Variants in ARHGAP42 observed in about 807,000 individuals in gnomAD.
ARHGAP42 encodes the protein Rho GTPase activating protein 42.
A neutral mutation model predicts 125.0 loss-of-function variants in ARHGAP42; 63 were observed. That is an observed-to-expected ratio of 0.50 (90% CI 0.41 to 0.62). The LOEUF is 0.62. ARHGAP42 is among the 20% of genes least tolerant of loss of function. The probability of loss-of-function intolerance (pLI) is 0.00; values close to 1 mark genes in which losing one functional copy is unlikely to be tolerated. For synonymous variants in ARHGAP42, 339 were observed against 351.0 expected, an observed-to-expected ratio of 0.97 and a Z score of 0.38; for missense variants, 766 against 1,024.2, an observed-to-expected ratio of 0.75 and a Z score of 3.44.
chr11:100,698,154 G>A (rs1652305997), intron 1 of ARHGAP42, among the ~76,000 whole-genome samples: 1 of 152,098 alleles, frequency 6.6e-6, no homozygotes, highest in Non-Finnish European at 1.5e-5. Context: ...GCCTCCCAAA[G>A]TGTTGAGATT....
At chr11:100,699,815 G>T (rs1404314809) in intron 1 of ARHGAP42, among the ~76,000 whole-genome samples, 1 of 151,996 alleles carries the variant, frequency 6.6e-6, no homozygotes, top group Admixed American at 6.6e-5. Flanking sequence ...GAGCCACCAC[G>T]CTTGGTGATT....
chr11:100,704,352 C>T (rs1361137302), intron 1 of ARHGAP42, among the ~76,000 whole-genome samples: 1 of 152,166 alleles, frequency 6.6e-6, no homozygotes, highest in Non-Finnish European at 1.5e-5. Flanking sequence ...TTTGGGACAG[C>T]TTAGAAAGTG....
intron 3 of ARHGAP42, among the ~76,000 whole-genome samples, chr11:100,809,237 A>G (rs962084775): frequency 6.6e-6 from 1 of 152,126 alleles, no homozygotes; most frequent in Non-Finnish European, 1.5e-5. Context: ...TCATTTTAAG[A>G]CAAGATGAAG....
chr11:100,731,645 G>T (rs1468180654), intron 1 of ARHGAP42, among the ~76,000 whole-genome samples: 1 of 152,316 alleles, frequency 6.6e-6, no homozygotes, highest in East Asian at 1.9e-4. Flanking sequence ...TGGGAGCAGG[G>T]AAGGTTGAGT....
chr11:100,694,953 C>T (rs1369763130), intron 1 of ARHGAP42, among the ~76,000 whole-genome samples: 1 of 152,204 alleles, frequency 6.6e-6, no homozygotes. Context: ...ATAGCTTGAA[C>T]CCAGGAGGCA....
chr11:100,930,328 A>G (rs994868946), intron 6 of ARHGAP42, among the ~76,000 whole-genome samples: 1 of 152,222 alleles, frequency 6.6e-6, no homozygotes, highest in African/African-American at 2.4e-5. Flanking sequence ...GGATGAAATG[A>G]ACAAGTATAT....
At chr11:100,776,462 A>T (rs1364588750) in intron 2 of ARHGAP42, among the ~76,000 whole-genome samples, 1 of 152,124 alleles carries the variant, frequency 6.6e-6, no homozygotes, top group African/African-American at 2.4e-5. Context: ...CTAAACAGAA[A>T]ATTCCTGTGG....
intron 4 of ARHGAP42, among the ~76,000 whole-genome samples, chr11:100,909,341 GT>G (rs71053157): frequency 0.01 from 1,390 of 137,422 alleles, 18 homozygotes; most frequent in African/African-American, 0.034. Flanking sequence ...GACTTTTCTT[GT>G]TTTTTTTTTT....
chr11:100,890,536 G>GAT (rs1369806127), intron 4 of ARHGAP42, among the ~76,000 whole-genome samples: 1 of 152,162 alleles, frequency 6.6e-6, no homozygotes, highest in Non-Finnish European at 1.5e-5. Context: ...GGACCCCAAA[G>GAT]ATAGTAAGTG....
chr11:100,910,684 G>T, intron 4 of ARHGAP42, among the ~76,000 whole-genome samples: 1 of 110,646 alleles, frequency 9.0e-6, no homozygotes, highest in Non-Finnish European at 2.3e-5. Flanking sequence ...GTAAATCATG[G>T]CTTTTGGAGG....
At position 100,992,459 on chromosome 11, in the gene ARHGAP42, T is replaced by A. The variant is rs938059271; in HGVS notation, c.*3658T>A. On this transcript the variant is annotated 3_prime_UTR_variant, in exon 24 of 24. Coordinates refer to ENST00000298815, the MANE Select transcript of ARHGAP42 (RefSeq NM_152432.4). ...CACATTGCTATTTAACTTTGCCTCC[T>A]ACCCTTTTTTGTTACCTTCCAAAAT... 1.7e-5 allele frequency: 27 copies of A among 1,614,120 alleles called. No individual in the cohort carries two copies. The highest frequency in any genetic ancestry group is 2.3e-5 in the Non-Finnish European group (27 of 1,179,964).
chr11:100,700,805 C>A (rs893491250), intron 1 of ARHGAP42, among the ~76,000 whole-genome samples: 2 of 152,196 alleles, frequency 1.3e-5, no homozygotes, highest in East Asian at 1.9e-4. Flanking sequence ...GGTTAAAAAT[C>A]AACTTTTTCC....
At chr11:100,959,705 G>A (rs774074432) in intron 12 of ARHGAP42, 178 bp from the exon 13 acceptor site, 17 of 601,296 alleles carry the variant, frequency 2.8e-5, no homozygotes, top group Non-Finnish European at 4.8e-5. Flanking sequence ...CTGTGAGGGT[G>A]AAGTTCCCTC....
chr11:100,837,697 T>TTTTTTTTTTTTTTTTTC (rs1864840322), intron 3 of ARHGAP42, among the ~76,000 whole-genome samples: 1 of 128,850 alleles, frequency 7.8e-6, no homozygotes, highest in African/African-American at 2.8e-5. Context: ...TTTTTTTTTT[T>TTTTTTTTTTTTTTTTTC]AGTAAATATG....
At position 100,989,460 on chromosome 11, in the gene ARHGAP42, T is replaced by A. The variant is rs1858774301; in HGVS notation, c.*659T>A. On this transcript the variant is annotated 3_prime_UTR_variant, in exon 24 of 24. Transcript: ENST00000298815. ...AATCTGTCCAGAATTCCAGACACCTTCAGCAAACTTTTTCTGTAAAGGCCT... is the reference window on the plus strand; with the variant it reads ...AATCTGTCCAGAATTCCAGACACCTACAGCAAACTTTTTCTGTAAAGGCCT... The A allele has an allele frequency of 4.4e-6, 1 of 226,954 alleles. No homozygotes were observed. Among genetic ancestry groups the A allele is most frequent in the Admixed American group, 5.7e-5 (1 of 17,602 alleles). The allele number at this position is 226,954 out of a possible 1,614,324, so 14.1% of individuals were successfully genotyped here.
chr11:100,981,491 T>C (rs901634647), intron 22 of ARHGAP42, among the ~76,000 whole-genome samples: 1 of 152,148 alleles, frequency 6.6e-6, no homozygotes, highest in African/African-American at 2.4e-5. Context: ...TTGAAAGAGA[T>C]AGAACCAGTA....
chr11:100,801,182 G>C (rs1344138759), intron 3 of ARHGAP42, among the ~76,000 whole-genome samples: 1 of 152,122 alleles, frequency 6.6e-6, no homozygotes, highest in Admixed American at 6.5e-5. Flanking sequence ...TGTATGTATA[G>C]ATGGTGAGAG....
intron 8 of ARHGAP42, among the ~76,000 whole-genome samples, chr11:100,937,098 C>T (rs2135266376): frequency 6.6e-6 from 1 of 152,270 alleles, no homozygotes; most frequent in African/African-American, 2.4e-5. Flanking sequence ...AAGTGATGCT[C>T]ATTTGTTGGA....
chr11:100,976,316 T>C lies in ARHGAP42; in HGVS notation c.2115T>C (p.Ala705=), dbSNP rs1363168933. The C allele has an allele frequency of 1.3e-6, 2 of 1,551,756 alleles. No individual in the cohort carries two copies. Among genetic ancestry groups the C allele is most frequent in the Non-Finnish European group, 1.7e-6 (2 of 1,146,842 alleles). The change falls in exon 20 of 24, where the codon GCT becomes GCC. Residue 705 remains alanine, a synonymous_variant. Coordinates refer to ENST00000298815, the MANE Select transcript of ARHGAP42 (RefSeq NM_152432.4). ...TDAESDCQSV[A]SVTSPGDVSP... is the part of the protein sequence containing the mutation. Reference sequence around the variant, plus strand: ...CAGAATCAGACTGCCAGAGTGTTGCTTCAGTCACTAGCCCAGGAGACGTTT... The same window carrying C: ...CAGAATCAGACTGCCAGAGTGTTGCCTCAGTCACTAGCCCAGGAGACGTTT...
Sources: gnomAD v4.1 joint callset for allele counts (sites outside exome capture counted in the v4.1 genomes callset) on GRCh38, gnomAD v4.1.1 for gene constraint, MANE v1.5 for transcripts, NCBI Gene and HGNC (gene_info 2026-07-23, HGNC 2026-07-21) for gene names.